PRR5L: variants seen among roughly 807,000 people sequenced by gnomAD.
PRR5L encodes the protein proline-rich protein 5-like.
PRR5L carries 21 observed loss-of-function variants against 36.4 expected under a neutral mutation model. The ratio of observed to expected loss-of-function variants is 0.58; its 90% CI spans 0.41 to 0.83. The LOEUF (loss-of-function observed/expected upper bound fraction) is 0.83, where lower values mean the gene tolerates loss of function less well. Ranked by LOEUF, PRR5L falls within the 40% of genes least tolerant of loss-of-function variation. PRR5L has a pLI of 0.00. For synonymous variants in PRR5L, 188 were observed against 197.0 expected, an observed-to-expected ratio of 0.95 and a Z score of 0.38; for missense variants, 381 against 473.3, an observed-to-expected ratio of 0.80 and a Z score of 1.81.
chr11:36,347,993 G>A (rs542706081), intron 1 of PRR5L, among the ~76,000 whole-genome samples: 11 of 152,098 alleles, frequency 7.2e-5, no homozygotes, highest in African/African-American at 2.4e-4. Context: ...TATTTCATGG[G>A]GCCATTATGA....
chr11:36,318,705 A>C (rs1856582982), intron 1 of PRR5L, among the ~76,000 whole-genome samples: 1 of 152,194 alleles, frequency 6.6e-6, no homozygotes, highest in African/African-American at 2.4e-5. Context: ...TAGGTAGTGT[A>C]GGGAGACGGA....
At chr11:36,423,199 A>C (rs1352190310) in intron 4 of PRR5L, among the ~76,000 whole-genome samples, 1 of 152,208 alleles carries the variant, frequency 6.6e-6, no homozygotes, top group Non-Finnish European at 1.5e-5. Context: ...ACCGTTGTCA[A>C]TAGGTCATGG....
At chr11:36,349,681 G>A (rs1048402555) in intron 1 of PRR5L, among the ~76,000 whole-genome samples, 2 of 152,110 alleles carry the variant, frequency 1.3e-5, no homozygotes, top group African/African-American at 4.8e-5. Context: ...GGTGATGCTT[G>A]GACACATTGT....
At chr11:36,338,893 C>G (rs1456429226) in intron 1 of PRR5L, among the ~76,000 whole-genome samples, 1 of 152,072 alleles carries the variant, frequency 6.6e-6, no homozygotes, top group South Asian at 2.1e-4. Context: ...TGGGAGGGAC[C>G]TAATGGGAGG....
intron 1 of PRR5L, among the ~76,000 whole-genome samples, chr11:36,373,060 A>T (rs1351000097): frequency 6.6e-6 from 1 of 151,770 alleles, no homozygotes; most frequent in Non-Finnish European, 1.5e-5. Flanking sequence ...TGGGGCCAAA[A>T]TTTTCACAGC....
In PRR5L at chr11:36,403,463, G is replaced by GTTTT. The variant is rs34764114; in HGVS notation, c.245+98_245+101dup. ...GGCTACCGCCTTAGGAGCCTTAAGG[G>GTTTT]TTTTTTTTTTTTTTTTCCTGCTTGA... On this transcript the variant is annotated intron_variant, in intron 3 of 8. Coordinates refer to ENST00000530639, the MANE Select transcript of PRR5L (RefSeq NM_001160167.2). 6.9e-3 allele frequency: 4,510 copies of GTTTT among 649,034 alleles called. 99 individuals carry two copies. The African/African-American group carries it at 0.073, about 10-fold the overall frequency. The allele number at this position is 649,034 out of a possible 1,614,324, so 40.2% of individuals were successfully genotyped here. A position where few individuals can be genotyped will look rare whatever the true frequency, so the allele number is the denominator to read the frequency against.
At chr11:36,376,128 G>T (rs997456820) in intron 1 of PRR5L, 28 of 1,304,106 alleles carry the variant, frequency 2.1e-5, no homozygotes, top group Middle Eastern at 2.1e-4. Context: ...AAGTCAAAAA[G>T]CTTGGATTTC....
At chr11:36,298,529 G>T (rs1263949572) in intron 1 of PRR5L, among the ~76,000 whole-genome samples, 1 of 152,140 alleles carries the variant, frequency 6.6e-6, no homozygotes, top group Non-Finnish European at 1.5e-5. Flanking sequence ...AATAGGGTTT[G>T]TGCTCCTATG....
At chr11:36,327,520 TG>T (rs1856676890) in intron 1 of PRR5L, among the ~76,000 whole-genome samples, 1 of 152,228 alleles carries the variant, frequency 6.6e-6, no homozygotes, top group Non-Finnish European at 1.5e-5. Context: ...GGAATATCCC[TG>T]CAAAATTCTC....
At chr11:36,305,716 C>A (rs1856423275) in intron 1 of PRR5L, among the ~76,000 whole-genome samples, 1 of 152,152 alleles carries the variant, frequency 6.6e-6, no homozygotes, top group Non-Finnish European at 1.5e-5. Context: ...GAGGATACAG[C>A]AAGAAGGCAC....
rs769753990 is a variant in PRR5L, at chr11:36,456,326, G to A, written c.712+4991G>A. 4.4e-4 allele frequency among the ~76,000 whole-genome samples: 67 copies of A among 152,306 alleles called. 1 individual carries two copies. Among genetic ancestry groups the A allele is most frequent in the Non-Finnish European group, 6.0e-4 (41 of 68,030 alleles). On this transcript the variant is annotated intron_variant, in intron 8 of 8. Coordinates refer to ENST00000530639, the MANE Select transcript of PRR5L (RefSeq NM_001160167.2). ...ACCACATCCTTGGCCTTGCCTTGCT[G>A]TATTGCCATGTCCTATTTCTCAGCC... is the stretch of plus-strand genomic sequence containing the variant.
intron 6 of PRR5L, among the ~76,000 whole-genome samples, chr11:36,445,529 T>C (rs1858810654): frequency 6.6e-6 from 1 of 152,180 alleles, no homozygotes; most frequent in Non-Finnish European, 1.5e-5. Flanking sequence ...CCTTCCTTTC[T>C]CTTTTGGTCT....
At chr11:36,325,376 G>A (rs1565388528) in intron 1 of PRR5L, among the ~76,000 whole-genome samples, 1 of 152,376 alleles carries the variant, frequency 6.6e-6, no homozygotes, top group South Asian at 2.1e-4. Flanking sequence ...AACGGCAGTG[G>A]TGGACGGGGA....
At chr11:36,403,795 G>T (rs1332448414) in intron 3 of PRR5L, among the ~76,000 whole-genome samples, 2 of 152,190 alleles carry the variant, frequency 1.3e-5, no homozygotes, top group African/African-American at 4.8e-5. Flanking sequence ...GTGCGTCTCT[G>T]TTGGCCAGGC....
At chr11:36,312,578 T>C (rs1856514622) in intron 1 of PRR5L, among the ~76,000 whole-genome samples, 1 of 152,216 alleles carries the variant, frequency 6.6e-6, no homozygotes, top group South Asian at 2.1e-4. Flanking sequence ...GATAAGAGCA[T>C]GGTCTCCTCC....
intron 1 of PRR5L, among the ~76,000 whole-genome samples, chr11:36,346,738 G>A (rs1856869839): frequency 6.6e-6 from 1 of 152,074 alleles, no homozygotes; most frequent in Non-Finnish European, 1.5e-5. Context: ...AAGAATATTA[G>A]CTCCGTAGGC....
chr11:36,371,757 G>A (rs1300118106), intron 1 of PRR5L, among the ~76,000 whole-genome samples: 2 of 152,122 alleles, frequency 1.3e-5, no homozygotes, highest in African/African-American at 4.8e-5. Context: ...GACCCCTAAG[G>A]CATTAAATGT....
chr11:36,364,979 T>TGG (rs371605332), intron 1 of PRR5L, among the ~76,000 whole-genome samples: 1,693 of 152,298 alleles, frequency 0.011, 43 homozygotes, highest in African/African-American at 0.039. Flanking sequence ...TATTCCCCAA[T>TGG]AGACAGTTCA....
chr11:36,464,488 A>AAAAG lies in PRR5L; in HGVS notation c.*1754_*1757dup, dbSNP rs1193634549. ...TAAGAGTGATGGGAGAGAAATGTCCAAAAGAGATCTGCTGATCTGCTGAGA... is the reference window on the plus strand; with the variant it reads ...TAAGAGTGATGGGAGAGAAATGTCCAAAAGAAAGAGATCTGCTGATCTGCTGAGA... On this transcript the variant is annotated 3_prime_UTR_variant, in exon 9 of 9. Coordinates refer to ENST00000530639, the MANE Select transcript of PRR5L (RefSeq NM_001160167.2). 1 of 152,260 alleles carries AAAAG rather than the reference A, an allele frequency of 6.6e-6. No homozygotes were observed. Among genetic ancestry groups the AAAAG allele is most frequent in the African/African-American group, 2.4e-5 (1 of 41,476 alleles). The allele number at this position is 152,260 out of a possible 1,614,324, so 9.4% of individuals were successfully genotyped here.
Sources: gnomAD v4.1 joint callset for allele counts (sites outside exome capture counted in the v4.1 genomes callset) on GRCh38, gnomAD v4.1.1 for gene constraint, MANE v1.5 for transcripts, NCBI Gene and HGNC (gene_info 2026-07-23, HGNC 2026-07-21) for gene names.